The following TMEM131L variants were observed in gnomAD, a reference collection of about 807,000 sequenced individuals.
TMEM131L encodes the protein transmembrane 131 like.
In TMEM131L, 54 loss-of-function variants were observed where a neutral mutation model predicts 192.2. The observed-to-expected ratio is 0.28, with a 90% CI of 0.23 to 0.35. TMEM131L has a LOEUF of 0.35. TMEM131L is among the 10% of genes least tolerant of loss of function. The probability of loss-of-function intolerance (pLI) is 1.00; values close to 1 mark genes in which losing one functional copy is unlikely to be tolerated. For missense variants in TMEM131L, 1,888 were observed against 1,972.9 expected (o/e 0.96, Z 0.82); for synonymous variants, 701 against 704.9 (o/e 0.99, Z 0.09).
intron 3 of TMEM131L, among the ~76,000 whole-genome samples, chr4:153,514,807 G>A (rs1029681303): frequency 1.3e-5 from 2 of 151,718 alleles, no homozygotes; most frequent in Admixed American, 6.6e-5. Flanking sequence ...ACTTCACCCT[G>A]TTTTTTTCTT....
Position 153,611,309 on chromosome 4 carries a change from G to A in TMEM131L, c.3419-943G>A, listed in dbSNP as rs144886772. ...CAAACAAGAGAGGCAAGGAAGCTGG[G>A]GTTGTGTTCATTTTATAAATAAGAA... On this transcript the variant is annotated intron_variant, in intron 25 of 34. Coordinates refer to ENST00000409959, the MANE Select transcript of TMEM131L (RefSeq NM_001131007.2). Among the ~76,000 whole-genome samples, 956 of 152,290 alleles carry A rather than the reference G, an allele frequency of 6.3e-3. 7 individuals carry two copies. The highest frequency in any genetic ancestry group is 0.014 in the Middle Eastern group (4 of 294).
At chr4:153,541,746 G>T (rs1204714212) in intron 3 of TMEM131L, among the ~76,000 whole-genome samples, 1 of 152,180 alleles carries the variant, frequency 6.6e-6, no homozygotes, top group African/African-American at 2.4e-5. Context: ...GAAGACCAAA[G>T]AACCAGGCCC....
chr4:153,609,418 A>G (rs1363092843), intron 25 of TMEM131L, among the ~76,000 whole-genome samples: 3 of 152,184 alleles, frequency 2.0e-5, no homozygotes, highest in Non-Finnish European at 4.4e-5. Flanking sequence ...CCCTCCTCCA[A>G]CATTGAGGAT....
chr4:153,550,212 A>G (rs1052315954), intron 4 of TMEM131L, 71 bp downstream of exon 4: 1 of 613,460 alleles, frequency 1.6e-6, no homozygotes, highest in Non-Finnish European at 2.8e-6. Flanking sequence ...TTTTTTACAT[A>G]TATGTACAAT....
At chr4:153,487,208 A>C (rs713247) in intron 3 of TMEM131L, among the ~76,000 whole-genome samples, 52,559 of 152,028 alleles carry the variant, frequency 0.35, 9,478 homozygotes, top group East Asian at 0.58. Flanking sequence ...GGAGGATTAA[A>C]TAATGAGAGG....
At chr4:153,563,026 G>C (rs1297570197) in intron 7 of TMEM131L, among the ~76,000 whole-genome samples, 2 of 152,108 alleles carry the variant, frequency 1.3e-5, no homozygotes, top group Non-Finnish European at 2.9e-5. Context: ...CTTACATATG[G>C]GTCTAAATAT....
At chr4:153,627,428 C>T (rs1004650874) in intron 30 of TMEM131L, among the ~76,000 whole-genome samples, 177 bp from the exon 31 acceptor site, 7 of 152,090 alleles carry the variant, frequency 4.6e-5, no homozygotes, top group Admixed American at 2.0e-4. Context: ...TTTAATATTC[C>T]TCAATTCTTT....
intron 15 of TMEM131L, 99 bp from the exon 16 acceptor site, chr4:153,588,791 C>T: frequency 3.0e-6 from 2 of 671,830 alleles, no homozygotes; most frequent in Non-Finnish European, 5.3e-6. Context: ...CTCTACAGTC[C>T]TCTCAGTTTA....
At chr4:153,525,712 T>C (rs1735420957) in intron 3 of TMEM131L, among the ~76,000 whole-genome samples, 1 of 152,216 alleles carries the variant, frequency 6.6e-6, no homozygotes, top group African/African-American at 2.4e-5. Context: ...TCTCATTTGT[T>C]AGTGGGTTTC....
In TMEM131L at chr4:153,621,647, CA is replaced by C. The variant is rs752209554; in HGVS notation, c.3693-35del. 3.1e-6 allele frequency: 5 copies of C among 1,607,494 alleles called. No individual in the cohort carries two copies. In the Admixed American group the frequency reaches 8.4e-5, roughly 27 times the overall value. ...GTCTGCATGTGTACATGATAAAATACAGATGTGTTTTTTTGTGTGTGTGTGT... is the reference window on the plus strand; with the variant it reads ...GTCTGCATGTGTACATGATAAAATACGATGTGTTTTTTTGTGTGTGTGTGT... On this transcript the variant is annotated intron_variant, in intron 27 of 34. Transcript: ENST00000409959.
Position 153,610,716 on chromosome 4 carries a change from G to GA in TMEM131L, c.3419-1534dup, listed in dbSNP as rs200144402. Among the ~76,000 whole-genome samples the GA allele has an allele frequency of 1.5e-3, 233 of 152,280 alleles. 10 individuals are homozygous for GA. The East Asian group carries it at 0.042, about 28-fold the overall frequency. On this transcript the variant is annotated intron_variant, in intron 25 of 34. Transcript: ENST00000409959. ...TTTAATTTGTAGCCTCAGAATTTCA[G>GA]AATCAGAGGGGACTTGACTGCTCCT...
intron 3 of TMEM131L, among the ~76,000 whole-genome samples, chr4:153,479,384 C>T (rs1251959430): frequency 1.3e-5 from 2 of 152,156 alleles, no homozygotes; most frequent in African/African-American, 4.8e-5. Flanking sequence ...GTAATATGTT[C>T]CTTTGCTGAG....
At chr4:153,587,927 T>C in intron 15 of TMEM131L, 116 bp downstream of exon 15, 1 of 785,098 alleles carries the variant, frequency 1.3e-6, no homozygotes, top group Non-Finnish European at 2.3e-6. Context: ...TCATATTCTA[T>C]AGAGAGGATG....
chr4:153,538,915 G>A (rs1375012782), intron 3 of TMEM131L, among the ~76,000 whole-genome samples: 1 of 146,778 alleles, frequency 6.8e-6, no homozygotes, highest in African/African-American at 2.5e-5. Flanking sequence ...GGAAACTGCC[G>A]GCGCGATACT....
chr4:153,603,117 A>C (rs1561233329), intron 23 of TMEM131L, among the ~76,000 whole-genome samples, 186 bp from the exon 24 acceptor site: 2 of 152,226 alleles, frequency 1.3e-5, no homozygotes, highest in African/African-American at 4.8e-5. Flanking sequence ...AAATATGCAC[A>C]ATTTTGGAAA....
At chr4:153,515,795 G>A (rs1734689361) in intron 3 of TMEM131L, among the ~76,000 whole-genome samples, 1 of 152,146 alleles carries the variant, frequency 6.6e-6, no homozygotes, top group African/African-American at 2.4e-5. Context: ...TAGAGGGTGC[G>A]ATGTGGTATC....
chr4:153,592,036 C>T (rs959330156), intron 17 of TMEM131L, among the ~76,000 whole-genome samples: 15 of 152,036 alleles, frequency 9.9e-5, no homozygotes, highest in African/African-American at 2.2e-4. Flanking sequence ...TATTTAAGAA[C>T]GAGGGCTTTT....
intron 18 of TMEM131L, among the ~76,000 whole-genome samples, chr4:153,592,855 G>GT (rs1471373914): frequency 1.3e-5 from 2 of 152,074 alleles, no homozygotes; most frequent in Admixed American, 6.5e-5. Context: ...CCTTTATCAT[G>GT]TTTTTTTCAC....
At chr4:153,584,778 AG>A (rs1477229351) in intron 11 of TMEM131L, 56 bp from the exon 12 acceptor site, 1 of 1,204,570 alleles carries the variant, frequency 8.3e-7, no homozygotes, top group African/African-American at 1.5e-5. Context: ...TCTTTTGTTC[AG>A]GCTTAATGAA....
Sources: gnomAD v4.1 joint callset for allele counts (sites outside exome capture counted in the v4.1 genomes callset) on GRCh38, gnomAD v4.1.1 for gene constraint, MANE v1.5 for transcripts, NCBI Gene and HGNC (gene_info 2026-07-23, HGNC 2026-07-21) for gene names.